Variants in TBC1D4 observed in about 807,000 individuals in gnomAD.
TBC1D4 encodes TBC1 domain family member 4.
A neutral mutation model predicts 142.5 loss-of-function variants in TBC1D4; 121 were observed. The observed-to-expected ratio is 0.85, with a 90% CI of 0.73 to 0.99. The LOEUF (loss-of-function observed/expected upper bound fraction) is 0.99. Among genes scored for constraint, TBC1D4 ranks in the 50% least tolerant of loss-of-function variants. TBC1D4 has a pLI of 0.00. For synonymous variants in TBC1D4, 630 were observed against 628.2 expected, an observed-to-expected ratio of 1.00 and a Z score of -0.04; for missense variants, 1,475 against 1,606.6, an observed-to-expected ratio of 0.92 and a Z score of 1.40.
intron 8 of TBC1D4, among the ~76,000 whole-genome samples, chr13:75,329,785 G>A (rs538589827): frequency 2.0e-5 from 3 of 152,246 alleles, no homozygotes; most frequent in African/African-American, 4.8e-5. Flanking sequence ...GCTGGATATC[G>A]TATATTGTAG....
At chr13:75,432,099 A>G (rs1183555308) in intron 1 of TBC1D4, among the ~76,000 whole-genome samples, 3 of 152,200 alleles carry the variant, frequency 2.0e-5, no homozygotes, top group African/African-American at 7.2e-5. Flanking sequence ...TTAAGCAAAT[A>G]AAGAGCACTC....
chr13:75,472,667 G>C (rs559021811), intron 1 of TBC1D4, among the ~76,000 whole-genome samples: 45 of 152,108 alleles, frequency 3.0e-4, no homozygotes, highest in Admixed American at 2.4e-3. Flanking sequence ...TCCATGACTA[G>C]AAAGAAATCC....
intron 15 of TBC1D4, among the ~76,000 whole-genome samples, chr13:75,304,667 C>T (rs989354514): frequency 6.6e-6 from 1 of 151,986 alleles, no homozygotes; most frequent in Non-Finnish European, 1.5e-5. Flanking sequence ...GCTTAAAGCG[C>T]AGGCAGCAGT....
At chr13:75,365,664 A>T (rs772511563) in intron 1 of TBC1D4, among the ~76,000 whole-genome samples, 3 of 152,234 alleles carry the variant, frequency 2.0e-5, no homozygotes, top group Non-Finnish European at 2.9e-5. Context: ...ATATTGTTGA[A>T]CGAATTTGAA....
At chr13:75,324,583 A>T (rs1341767878) in intron 10 of TBC1D4, among the ~76,000 whole-genome samples, 182 bp from the exon 11 acceptor site, 1 of 152,210 alleles carries the variant, frequency 6.6e-6, no homozygotes, top group Non-Finnish European at 1.5e-5. Flanking sequence ...GATAACTATG[A>T]CCTAATTTCA....
intron 18 of TBC1D4, 76 bp from the exon 19 acceptor site, chr13:75,292,347 G>T: frequency 3.9e-6 from 5 of 1,294,102 alleles, no homozygotes; most frequent in Non-Finnish European, 5.4e-6. Flanking sequence ...TTGTGCTAAA[G>T]GTTTTTGTTT....
intron 1 of TBC1D4, among the ~76,000 whole-genome samples, chr13:75,410,123 A>C (rs1885565255): frequency 6.6e-6 from 1 of 152,354 alleles, no homozygotes; most frequent in African/African-American, 2.4e-5. Context: ...ATGTACGTAA[A>C]TAACGGTGTA....
At chr13:75,399,596 CTA>C (rs1884977581) in intron 1 of TBC1D4, among the ~76,000 whole-genome samples, 2 of 152,202 alleles carry the variant, frequency 1.3e-5, no homozygotes, top group African/African-American at 2.4e-5. Flanking sequence ...GAGCCTGATG[CTA>C]TAATGAGCTG....
At chr13:75,308,391 C>T (rs554061210) in intron 14 of TBC1D4, among the ~76,000 whole-genome samples, 1 of 152,148 alleles carries the variant, frequency 6.6e-6, no homozygotes, top group African/African-American at 2.4e-5. Context: ...CCGAGAACCA[C>T]GATGAATAAA....
chr13:75,301,502 G>A lies in TBC1D4; in HGVS notation c.2911+741C>T, dbSNP rs1026761810. Among the ~76,000 whole-genome samples the A allele has an allele frequency of 4.6e-5, 7 of 152,094 alleles. No individual in the cohort carries two copies. In the East Asian group the frequency reaches 1.2e-3, roughly 25 times the overall value. ...TAAAAATACAAAAAAAAAATTAGCC[G>A]GGCGTGGTGGCTGGTGCCTGTAGTC... On this transcript the variant is annotated intron_variant, in intron 16 of 20. Transcript: ENST00000377636.
chr13:75,459,036 T>C (rs995365154), intron 1 of TBC1D4, among the ~76,000 whole-genome samples: 9 of 152,278 alleles, frequency 5.9e-5, no homozygotes, highest in African/African-American at 1.9e-4. Context: ...CTGGCTCTAC[T>C]GCAATTCCCC....
intron 1 of TBC1D4, among the ~76,000 whole-genome samples, chr13:75,444,880 A>G (rs1003638758): frequency 2.6e-5 from 4 of 152,206 alleles, no homozygotes; most frequent in Non-Finnish European, 5.9e-5. Context: ...GGAAAAAATG[A>G]TATTAATGGC....
chr13:75,361,421 C>T (rs1010873971), intron 2 of TBC1D4, among the ~76,000 whole-genome samples: 2 of 152,128 alleles, frequency 1.3e-5, no homozygotes, highest in African/African-American at 4.8e-5. Flanking sequence ...CGCTCTGTCG[C>T]CCAGGCTCGA....
intron 1 of TBC1D4, among the ~76,000 whole-genome samples, chr13:75,404,807 G>T (rs139211939): frequency 6.6e-6 from 1 of 152,184 alleles, no homozygotes; most frequent in African/African-American, 2.4e-5. Context: ...AAGCCCTTAA[G>T]TTACAGTTAA....
intron 16 of TBC1D4, among the ~76,000 whole-genome samples, chr13:75,300,760 CT>C (rs1300841532): frequency 1.3e-5 from 2 of 152,138 alleles, no homozygotes; most frequent in Non-Finnish European, 2.9e-5. Context: ...CATTTTCTCT[CT>C]TTAATAGGAC....
rs1888915113 is a variant in TBC1D4 at position 75,482,042 on chromosome 13, C to G, written c.-275G>C. ...CATCCTCCTCCTTGGGCTGGCGCCT[C>G]GGGCAGGACCTCCCCTTCCTCCGTC... On this transcript the variant is annotated 5_prime_UTR_variant, in exon 1 of 21. Transcript: ENST00000377636. The G allele has an allele frequency of 2.8e-6, 1 of 360,676 alleles. No individual in the cohort carries two copies. Among genetic ancestry groups the G allele is most frequent in the African/African-American group, 2.1e-5 (1 of 47,182 alleles). The allele number at this position is 360,676 out of a possible 1,614,324, so 22.3% of individuals were successfully genotyped here. A position where few individuals can be genotyped will look rare whatever the true frequency, so the allele number is the denominator to read the frequency against.
rs754112005 is a variant in TBC1D4 at position 75,481,645 on chromosome 13, A to G, written c.123T>C (p.Val41=). 6.2e-7 allele frequency: 1 copy of G among 1,604,906 alleles called. No homozygotes were observed. The highest frequency in any genetic ancestry group is 1.1e-5 in the South Asian group (1 of 90,410). ...PSDKRFRLWY[V]GGSCLDHRTT... ...TCCTGTGGTCCAGGCACGACCCCCCAACGTACCACAGCCGGAACCGCTTAT... is the reference window on the plus strand; with the variant it reads ...TCCTGTGGTCCAGGCACGACCCCCCGACGTACCACAGCCGGAACCGCTTAT... Residue 41 remains valine (V), a synonymous_variant, in exon 1 of 21, where the codon GTT becomes GTC. Transcript: ENST00000377636.
Position 75,481,493 on chromosome 13 carries a change from C to G in TBC1D4, c.275G>C (p.Arg92Pro). ...VILVLSAPFLRCVPAPGAGAS... is the reference protein window; with the variant it reads ...VILVLSAPFLPCVPAPGAGAS... The stretch of plus-strand genomic sequence containing the variant: ...CCCAGCGCCCGGCGCGGGGACGCAA[C>G]GCAGGAAGGGCGCGCTGAGCACCAG... Residue 92 changes from arginine to proline, a missense_variant, in exon 1 of 21, where the codon CGT (arginine) becomes CCT (proline). Physicochemically the swap from Arg to Pro is moderately radical, Grantham distance 103. This residue lies in a region of TBC1D4 where 1,227 missense variants were observed against 1,267.7 expected (regional missense o/e 0.97). Coordinates refer to ENST00000377636, the MANE Select transcript of TBC1D4 (RefSeq NM_014832.5). The G allele has an allele frequency of 6.2e-7, 1 of 1,612,406 alleles. No individual in the cohort carries two copies. Among genetic ancestry groups the G allele is most frequent in the Non-Finnish European group, 8.5e-7 (1 of 1,179,126 alleles).
intron 15 of TBC1D4, chr13:75,302,967 C>A (rs935866248): frequency 6.1e-6 from 1 of 162,800 alleles, no homozygotes; most frequent in African/African-American, 2.4e-5. Flanking sequence ...AAATATTTGT[C>A]ATCAACAAGT....
Sources: gnomAD v4.1 joint callset for allele counts (sites outside exome capture counted in the v4.1 genomes callset) on GRCh38, gnomAD v4.1.1 for gene constraint, gnomAD v4.1.1 regional missense constraint, MANE v1.5 for transcripts, NCBI Gene and HGNC (gene_info 2026-07-23, HGNC 2026-07-21) for gene names.